The following CDH9 variants were observed in gnomAD, a reference collection of about 807,000 sequenced individuals.
CDH9 encodes cadherin 9, also known as cadherin-9.
In CDH9, 28 loss-of-function variants were observed where a neutral mutation model predicts 70.9. The ratio of observed to expected loss-of-function variants is 0.40; its 90% confidence interval spans 0.29 to 0.54. CDH9 has a LOEUF of 0.54. Among genes scored for constraint, CDH9 ranks in the 20% least tolerant of loss-of-function variants. The probability of loss-of-function intolerance (pLI) is 0.59; values close to 1 mark genes in which losing one functional copy is unlikely to be tolerated. For synonymous variants in CDH9, 409 were observed against 343.1 expected, an observed-to-expected ratio of 1.19 and a Z score of -2.12; for missense variants, 874 against 984.4, an observed-to-expected ratio of 0.89 and a Z score of 1.50.
At position 26,902,717 on chromosome 5, in the gene CDH9, C is replaced by A; in HGVS notation, c.1012G>T (p.Glu338Ter). Reference protein sequence around the residue: ...IITVKQNLDFENQMLYTLRVD... With the variant: ...IITVKQNLDF ...CTTAAAGTATAGAGCATTTGATTTT[C>A]AAAATCTAAATTCTGGAGTTAAATA... The change falls in exon 7 of 12, where the codon GAA becomes TAA. Residue 338 changes from glutamate (E) to a stop codon, truncating the protein, a stop_gained. Transcript: ENST00000231021. LOFTEE classifies it high-confidence loss of function. 1 of 1,551,060 alleles carries A rather than the reference C, an allele frequency of 6.4e-7. No individual in the cohort carries two copies. Among genetic ancestry groups the A allele is most frequent in the South Asian group, 1.1e-5 (1 of 89,016 alleles).
intron 2 of CDH9, among the ~76,000 whole-genome samples, chr5:26,946,518 T>A (rs1490736583): frequency 6.6e-6 from 1 of 152,126 alleles, no homozygotes; most frequent in African/African-American, 2.4e-5. Flanking sequence ...GCTATGTATA[T>A]TTGCTAGTAA....
chr5:26,887,223 A>C (rs1286763602), intron 9 of CDH9, among the ~76,000 whole-genome samples: 1 of 151,928 alleles, frequency 6.6e-6, no homozygotes, highest in Non-Finnish European at 1.5e-5. Flanking sequence ...GAATATAAGA[A>C]AATAATTATA....
intron 2 of CDH9, among the ~76,000 whole-genome samples, chr5:26,929,857 G>A (rs1016089401): frequency 6.6e-6 from 1 of 151,966 alleles, no homozygotes; most frequent in Non-Finnish European, 1.5e-5. Context: ...GTTTAGTATC[G>A]AATGGGGAGG....
chr5:26,973,877 T>G (rs1742261503), intron 2 of CDH9, among the ~76,000 whole-genome samples: 1 of 152,194 alleles, frequency 6.6e-6, no homozygotes, highest in African/African-American at 2.4e-5. Context: ...TTAATTATCT[T>G]GCATAGTATG....
chr5:27,017,062 T>C (rs1743058158), intron 1 of CDH9, among the ~76,000 whole-genome samples: 1 of 151,986 alleles, frequency 6.6e-6, no homozygotes, highest in African/African-American at 2.4e-5. Context: ...ATTCTTTCTA[T>C]GTGTTCCTTC....
intron 1 of CDH9, among the ~76,000 whole-genome samples, chr5:26,994,352 C>T (rs1041810693): frequency 6.6e-6 from 1 of 151,996 alleles, no homozygotes; most frequent in Non-Finnish European, 1.5e-5. Flanking sequence ...ATTTGTGGCC[C>T]ATCAAAATTC....
chr5:26,998,813 C>A (rs1456246203), intron 1 of CDH9, among the ~76,000 whole-genome samples: 2 of 151,976 alleles, frequency 1.3e-5, no homozygotes, highest in Admixed American at 1.3e-4. Context: ...CAGAAGTATT[C>A]AATTTCACCA....
intron 2 of CDH9, among the ~76,000 whole-genome samples, chr5:26,970,650 T>C (rs1161452112): frequency 2.0e-5 from 3 of 152,080 alleles, no homozygotes; most frequent in African/African-American, 7.2e-5. Context: ...GATAGAATAA[T>C]TGAGTATCCC....
intron 1 of CDH9, among the ~76,000 whole-genome samples, chr5:26,990,183 T>TC (rs1742557622): frequency 1.3e-5 from 2 of 152,112 alleles, no homozygotes; most frequent in Non-Finnish European, 2.9e-5. Flanking sequence ...TCATCAAGCA[T>TC]CGTTGCTCAT....
intron 2 of CDH9, among the ~76,000 whole-genome samples, chr5:26,971,345 A>G (rs2112073422): frequency 6.6e-6 from 1 of 152,246 alleles, no homozygotes; most frequent in South Asian, 2.1e-4. Context: ...TCAAGAGGCA[A>G]TTTTTACACT....
At chr5:27,024,771 G>C (rs550738328) in intron 1 of CDH9, among the ~76,000 whole-genome samples, 1 of 152,026 alleles carries the variant, frequency 6.6e-6, no homozygotes, top group Non-Finnish European at 1.5e-5. Context: ...TTCTGACTAA[G>C]AGCCTGAATT....
At chr5:26,996,792 A>G (rs959722026) in intron 1 of CDH9, among the ~76,000 whole-genome samples, 1 of 151,638 alleles carries the variant, frequency 6.6e-6, no homozygotes, top group Non-Finnish European at 1.5e-5. Context: ...ATAGATATGG[A>G]TATGCTTTTT....
intron 1 of CDH9, among the ~76,000 whole-genome samples, chr5:27,035,171 G>GTATATATATATATATA (rs35693444): frequency 8.0e-4 from 115 of 143,262 alleles, no homozygotes; most frequent in African/African-American, 2.8e-3. Flanking sequence ...TATTGCATAT[G>GTATATATATATATATA]TATATATATA....
At chr5:26,980,074 G>A (rs1387540142) in intron 2 of CDH9, among the ~76,000 whole-genome samples, 2 of 151,836 alleles carry the variant, frequency 1.3e-5, no homozygotes, top group South Asian at 2.1e-4. Flanking sequence ...AAACATTCAA[G>A]TATATAAGAA....
intron 7 of CDH9, among the ~76,000 whole-genome samples, chr5:26,891,241 A>G (rs191995903): frequency 7.9e-5 from 12 of 152,312 alleles, no homozygotes; most frequent in African/African-American, 2.4e-4. Context: ...TAAGATGTCT[A>G]TACCCTAATC....
chr5:26,936,671 T>C (rs1004296480), intron 2 of CDH9, among the ~76,000 whole-genome samples: 3 of 152,104 alleles, frequency 2.0e-5, no homozygotes, highest in Non-Finnish European at 2.9e-5. Context: ...ATCAAGACAG[T>C]GTGGTACTGG....
rs997514582 is a variant in CDH9, at chr5:27,026,695, GA to G, written c.-50+11767del. Among the ~76,000 whole-genome samples the G allele has an allele frequency of 3.3e-5, 5 of 151,408 alleles. No individual in the cohort carries two copies. In the East Asian group the frequency reaches 5.9e-4, roughly 18 times the overall value. ...CATTTGGTGCTAATGCTTGACTATAGAAAAAAAATTAGTAAATACTATAAAT... is the reference window on the plus strand; with the variant it reads ...CATTTGGTGCTAATGCTTGACTATAGAAAAAAATTAGTAAATACTATAAAT... On this transcript the variant is annotated intron_variant, in intron 1 of 11. Transcript: ENST00000231021.
intron 2 of CDH9, among the ~76,000 whole-genome samples, chr5:26,933,764 G>C (rs1392026239): frequency 6.6e-6 from 1 of 150,644 alleles, no homozygotes; most frequent in East Asian, 2.0e-4. Flanking sequence ...AGGCGACAGA[G>C]CAAGACTCCG....
chr5:27,001,663 G>A (rs1742770353), intron 1 of CDH9, among the ~76,000 whole-genome samples: 1 of 152,176 alleles, frequency 6.6e-6, no homozygotes, highest in Non-Finnish European at 1.5e-5. Context: ...TAAAAGCAAT[G>A]TCATCCAGTA....
Sources: gnomAD v4.1 joint callset for allele counts (sites outside exome capture counted in the v4.1 genomes callset) on GRCh38, gnomAD v4.1.1 for gene constraint, MANE v1.5 for transcripts, NCBI Gene and HGNC (gene_info 2026-07-23, HGNC 2026-07-21) for gene names.